Variants in WDSUB1 observed in about 807,000 individuals in gnomAD.
WDSUB1 encodes the protein WD repeat, SAM and U-box domain-containing protein 1.
WDSUB1 carries 49 observed loss-of-function variants against 53.9 expected under a neutral mutation model. That is an observed-to-expected ratio of 0.91 (90% CI 0.72 to 1.15). The LOEUF (loss-of-function observed/expected upper bound fraction) is 1.15. WDSUB1 is among the 50% of genes most tolerant of loss of function. The probability of loss-of-function intolerance (pLI) is 0.00; values close to 1 mark genes in which losing one functional copy is unlikely to be tolerated. For missense variants in WDSUB1, 514 were observed against 562.0 expected, an observed-to-expected ratio of 0.91 and a Z score of 0.86; for synonymous variants, 194 against 200.6, an observed-to-expected ratio of 0.97 and a Z score of 0.28.
At chr2:159,260,273 C>T (rs2061160872) in intron 5 of WDSUB1, among the ~76,000 whole-genome samples, 1 of 152,080 alleles carries the variant, frequency 6.6e-6, no homozygotes, top group Non-Finnish European at 1.5e-5. Context: ...CCACTGTACT[C>T]CAGCCTGGGT....
At chr2:159,254,990 C>T (rs1187101718) in intron 9 of WDSUB1, among the ~76,000 whole-genome samples, 2 of 152,024 alleles carry the variant, frequency 1.3e-5, no homozygotes, top group African/African-American at 2.4e-5. Context: ...ATAAGCTGGG[C>T]GTGGTAGCAT....
At chr2:159,241,974 C>T (rs2060662091) in intron 10 of WDSUB1, among the ~76,000 whole-genome samples, 1 of 147,532 alleles carries the variant, frequency 6.8e-6, no homozygotes, top group Non-Finnish European at 1.5e-5. Context: ...AAGAATGAAG[C>T]ATGTACTTCC....
intron 9 of WDSUB1, among the ~76,000 whole-genome samples, chr2:159,249,809 T>TA (rs998321030): frequency 3.2e-4 from 48 of 151,254 alleles, no homozygotes; most frequent in African/African-American, 1.1e-3. Flanking sequence ...CTCATGCCTG[T>TA]AACCCCAGCA....
At chr2:159,243,296 G>A (rs2060708672) in intron 10 of WDSUB1, among the ~76,000 whole-genome samples, 1 of 147,608 alleles carries the variant, frequency 6.8e-6, no homozygotes, top group Admixed American at 6.6e-5. Flanking sequence ...GGTTTCCAGG[G>A]GCTGGGGTCG....
intron 3 of WDSUB1, among the ~76,000 whole-genome samples, 160 bp downstream of exon 3, chr2:159,279,601 G>C (rs1474850948): frequency 6.6e-6 from 1 of 151,728 alleles, no homozygotes; most frequent in Non-Finnish European, 1.5e-5. Flanking sequence ...TTTCATTTTT[G>C]GTCAAAAAAG....
rs757218535 is a variant in WDSUB1 at position 159,282,733 on chromosome 2, C to G, written c.337G>C (p.Ala113Pro). The G allele has an allele frequency of 3.7e-6, 6 of 1,614,098 alleles. No homozygotes were observed. The highest frequency in any genetic ancestry group is 5.1e-6 in the Non-Finnish European group (6 of 1,179,986). Residue 113 changes from alanine (A) to proline (P), a missense_variant, in exon 2 of 11, where the codon GCA becomes CCA. Physicochemically the swap from Ala to Pro is conservative, Grantham distance 27. Coordinates refer to ENST00000359774, the MANE Select transcript of WDSUB1 (RefSeq NM_001128212.3). ...ACAGTTCCATCAGCTGCCCCTGATG[C>G]CAAACACGTGGAGTCTGGGGAAAAC... is the stretch of plus-strand genomic sequence containing the variant. ...CQFSPDSTCLASGAADGTVVL... is the reference protein window; with the variant it reads ...CQFSPDSTCLPSGAADGTVVL...
Position 159,249,932 on chromosome 2 carries a change from G to A in WDSUB1, c.1133-1420C>T, listed in dbSNP as rs1193076618. 4.7e-5 allele frequency among the ~76,000 whole-genome samples: 7 copies of A among 148,922 alleles called. No individual in the cohort carries two copies. The East Asian group carries it at 1.4e-3, about 29-fold the overall frequency. ...AATACAAAAAAAAAAAAGAAAGAAA[G>A]AAAAAAAATAGCTGGATGTGTTGGC... is the stretch of plus-strand genomic sequence containing the variant. On this transcript the variant is annotated intron_variant, in intron 9 of 10. Coordinates refer to ENST00000359774, the MANE Select transcript of WDSUB1 (RefSeq NM_001128212.3).
At chr2:159,258,017 C>T in intron 6 of WDSUB1, 32 bp from the exon 7 acceptor site, 1 of 1,600,592 alleles carries the variant, frequency 6.2e-7, no homozygotes, top group Non-Finnish European at 8.5e-7. Context: ...TTTAAATTTA[C>T]TCAAGTAAGA....
intron 10 of WDSUB1, among the ~76,000 whole-genome samples, chr2:159,243,042 T>C (rs1263630352): frequency 1.0e-5 from 1 of 97,982 alleles, no homozygotes; most frequent in Non-Finnish European, 2.2e-5. Context: ...TCCACACATG[T>C]ATCAATCATC....
In WDSUB1 at chr2:159,267,451, C is replaced by A. The variant is rs370235255; in HGVS notation, c.770+4251G>T. On this transcript the variant is annotated intron_variant, in intron 5 of 10. Coordinates refer to ENST00000359774, the MANE Select transcript of WDSUB1 (RefSeq NM_001128212.3). ...AAGTAGCTGAGACTACAGGCACACA[C>A]CCCTATGCCCAGCTAATTTCTTTAA... is the stretch of plus-strand genomic sequence containing the variant. Among the ~76,000 whole-genome samples, 3 of 152,184 alleles carry A rather than the reference C, an allele frequency of 2.0e-5. No homozygotes were observed. In the South Asian group the frequency reaches 6.2e-4, roughly 32 times the overall value.
chr2:159,238,571 A>G lies in WDSUB1; in HGVS notation c.1274-2381T>C, dbSNP rs2060550045. On this transcript the variant is annotated intron_variant, in intron 10 of 10. Coordinates refer to ENST00000359774, the MANE Select transcript of WDSUB1 (RefSeq NM_001128212.3). ...TTATTGTCAAAATACCACTTGTTAG[A>G]AGTGATTTTTACCACTGATTTTAAA... Among the ~76,000 whole-genome samples, 8 of 152,212 alleles carry G rather than the reference A, an allele frequency of 5.3e-5. No homozygotes were observed. The South Asian group carries it at 1.7e-3, about 31-fold the overall frequency.
rs11324784 is a variant in WDSUB1, at chr2:159,269,165, A to AT, written c.770+2536dup. ...AAAGTGGTAAAATATCTTTCCACAGATTTTTTTTTTTTTTTTTTTTTTTGA... is the reference window on the plus strand; with the variant it reads ...AAAGTGGTAAAATATCTTTCCACAGATTTTTTTTTTTTTTTTTTTTTTTTGA... On this transcript the variant is annotated intron_variant, in intron 5 of 10. Coordinates refer to ENST00000359774, the MANE Select transcript of WDSUB1 (RefSeq NM_001128212.3). 7.7e-3 allele frequency among the ~76,000 whole-genome samples: 834 copies of AT among 108,296 alleles called. 8 individuals are homozygous for AT. Among genetic ancestry groups the AT allele is most frequent in the East Asian group, 0.015 (63 of 4,324 alleles). 71.0% of individuals were successfully genotyped at this position (108,296 alleles called of 152,430 possible). A position where few individuals can be genotyped will look rare whatever the true frequency, so the allele number is the denominator to read the frequency against.
rs775694286 is a variant in WDSUB1, at chr2:159,279,957, G to GC, written c.399-13dup. 6.3e-7 allele frequency: 1 copy of GC among 1,590,880 alleles called. No homozygotes were observed. Among genetic ancestry groups the GC allele is most frequent in the Admixed American group, 1.8e-5 (1 of 56,998 alleles). On this transcript the variant is annotated splice_polypyrimidine_tract_variant and intron_variant, in intron 2 of 10. Transcript: ENST00000359774. Reference sequence around the variant, plus strand: ...TAACACTACCACATCTGAAATAAAAGCAAAAAGTGGGTTTTCATTTCAGAG... The same window carrying GC: ...TAACACTACCACATCTGAAATAAAAGCCAAAAAGTGGGTTTTCATTTCAGAG...
chr2:159,261,161 TAAC>T (rs995955142), intron 5 of WDSUB1, among the ~76,000 whole-genome samples: 3 of 151,748 alleles, frequency 2.0e-5, no homozygotes, highest in East Asian at 1.9e-4. Context: ...AGGAAAAAAA[TAAC>T]AAAAAATAAT....
intron 3 of WDSUB1, among the ~76,000 whole-genome samples, chr2:159,276,017 T>TCAAA (rs2061533366): frequency 1.3e-5 from 2 of 152,020 alleles, no homozygotes; most frequent in South Asian, 4.1e-4. Flanking sequence ...GAGTGTTAAA[T>TCAAA]GTTTAATCAT....
At chr2:159,271,654 T>A (rs758930122) in intron 5 of WDSUB1, 48 bp downstream of exon 5, 1 of 1,488,990 alleles carries the variant, frequency 6.7e-7, no homozygotes, top group East Asian at 2.3e-5. Flanking sequence ...GTGTGTCTGT[T>A]TGATTTCATA....
intron 5 of WDSUB1, among the ~76,000 whole-genome samples, chr2:159,265,162 C>T (rs2061314825): frequency 6.6e-6 from 1 of 151,734 alleles, no homozygotes; most frequent in Non-Finnish European, 1.5e-5. Flanking sequence ...CCTGGTTGCA[C>T]ACACCTATAG....
intron 2 of WDSUB1, among the ~76,000 whole-genome samples, chr2:159,282,197 A>ATT (rs535503641): frequency 7.4e-6 from 1 of 135,042 alleles, no homozygotes; most frequent in East Asian, 3.1e-4. Context: ...GTTAAAAAAA[A>ATT]TTTTTTTTTT....
rs774875492 is a variant in WDSUB1 at position 159,256,154 on chromosome 2, T to G, written c.1132+42A>C. The G allele has an allele frequency of 2.6e-6, 4 of 1,554,070 alleles. No individual in the cohort carries two copies. The East Asian group carries it at 9.2e-5, about 36-fold the overall frequency. On this transcript the variant is annotated intron_variant, in intron 9 of 10. Coordinates refer to ENST00000359774, the MANE Select transcript of WDSUB1 (RefSeq NM_001128212.3). The stretch of plus-strand genomic sequence containing the variant: ...AAAATCCAACTGCAGAGTAATTTGG[T>G]AAAAGTTGTTTTGAAGATTGCCTAT...
Sources: gnomAD v4.1 joint callset for allele counts (sites outside exome capture counted in the v4.1 genomes callset) on GRCh38, gnomAD v4.1.1 for gene constraint, MANE v1.5 for transcripts, NCBI Gene and HGNC (gene_info 2026-07-23, HGNC 2026-07-21) for gene names.